RAPGEF1: variants seen among roughly 807,000 people sequenced by gnomAD.
The protein encoded by RAPGEF1 is Rap guanine nucleotide exchange factor 1.
A neutral mutation model predicts 143.3 loss-of-function variants in RAPGEF1; 33 were observed. The ratio of observed to expected loss-of-function variants is 0.23; its 90% confidence interval spans 0.17 to 0.31. The LOEUF (loss-of-function observed/expected upper bound fraction) is 0.31. Among genes scored for constraint, RAPGEF1 ranks in the 10% least tolerant of loss-of-function variants. The pLI is 1.00. For synonymous variants in RAPGEF1, 629 were observed against 676.5 expected (o/e 0.93, Z 1.09); for missense variants, 1,199 against 1,645.4 (o/e 0.73, Z 4.69).
intron 1 of RAPGEF1, among the ~76,000 whole-genome samples, chr9:131,669,788 G>T (rs902320865): frequency 1.3e-5 from 2 of 152,206 alleles, no homozygotes; most frequent in Non-Finnish European, 2.9e-5. Flanking sequence ...GGGAAAATCA[G>T]AAGTCCTCCT....
chr9:131,674,070 C>G (rs1831865588), intron 1 of RAPGEF1, among the ~76,000 whole-genome samples: 1 of 152,182 alleles, frequency 6.6e-6, no homozygotes, highest in Non-Finnish European at 1.5e-5. Context: ...TTGTTCGAAG[C>G]CACCTTTGAA....
intron 1 of RAPGEF1, among the ~76,000 whole-genome samples, chr9:131,710,904 A>T (rs1835458041): frequency 6.6e-6 from 1 of 152,168 alleles, no homozygotes; most frequent in South Asian, 2.1e-4. Context: ...TTGCCAGTTG[A>T]GCACAGCAGC....
chr9:131,700,462 A>G (rs529373331), intron 1 of RAPGEF1, among the ~76,000 whole-genome samples: 1 of 152,308 alleles, frequency 6.6e-6, no homozygotes, highest in Non-Finnish European at 1.5e-5. Flanking sequence ...ATACTTGTTC[A>G]TATGTAAACT....
intron 1 of RAPGEF1, among the ~76,000 whole-genome samples, chr9:131,663,363 A>G (rs1268200471): frequency 1.3e-5 from 2 of 152,194 alleles, no homozygotes; most frequent in Non-Finnish European, 2.9e-5. Context: ...TCCTGCATAA[A>G]TAACATAATA....
At chr9:131,653,954 AAATT>A (rs1444866085) in intron 1 of RAPGEF1, among the ~76,000 whole-genome samples, 2 of 152,278 alleles carry the variant, frequency 1.3e-5, no homozygotes, top group African/African-American at 2.4e-5. Context: ...CAATAAAAAT[AAATT>A]AAGTACGGAT....
rs182745151 is a variant in RAPGEF1, at chr9:131,601,041, A to G, written c.2501+1020T>C. Among the ~76,000 whole-genome samples the G allele has an allele frequency of 6.4e-3, 980 of 152,226 alleles. 9 individuals carry two copies. Among genetic ancestry groups the G allele is most frequent in the Non-Finnish European group, 9.5e-3 (645 of 68,002 alleles). On this transcript the variant is annotated intron_variant, in intron 15 of 26. Coordinates refer to ENST00000683357, the MANE Select transcript of RAPGEF1 (RefSeq NM_001377935.1). ...TAAAAACTTAGCCGGGCATGGTGGCACATGCCTGTAGTCCCAGCTACTTGG... is the reference window on the plus strand; with the variant it reads ...TAAAAACTTAGCCGGGCATGGTGGCGCATGCCTGTAGTCCCAGCTACTTGG...
chr9:131,579,730 C>CG, intron 26 of RAPGEF1, 83 bp from the exon 27 acceptor site: 3 of 1,446,336 alleles, frequency 2.1e-6, no homozygotes, highest in Non-Finnish European at 9.4e-7. Flanking sequence ...GAAGGTGCCG[C>CG]GGGGACCATC....
intron 1 of RAPGEF1, among the ~76,000 whole-genome samples, chr9:131,676,241 T>TG (rs1366106271): frequency 6.6e-6 from 1 of 152,118 alleles, no homozygotes; most frequent in African/African-American, 2.4e-5. Flanking sequence ...GGGCAGCCGC[T>TG]GGGGGTTCTT....
intron 9 of RAPGEF1, among the ~76,000 whole-genome samples, chr9:131,627,556 C>T (rs1431448029): frequency 1.3e-5 from 2 of 152,220 alleles, no homozygotes; most frequent in Non-Finnish European, 2.9e-5. Flanking sequence ...CCCTCCCCTT[C>T]AGCCTCTGTC....
rs1403671601 is a variant in RAPGEF1 at position 131,598,274 on chromosome 9, C to T, written c.2538G>A (p.Gln846=). Residue 846 remains glutamine (Q), a synonymous_variant, in exon 16 of 27, where the codon CAG becomes CAA. Transcript: ENST00000683357. The part of the protein sequence containing the change: ...PKSPDALESA[Q]SEEEVDELSL... ...ACAGCTCGTCCACTTCCTCCTCCGA[C>T]TGAGCCGACTCCAGAGCATCTGGTG... 1 of 1,614,046 alleles carries T rather than the reference C, an allele frequency of 6.2e-7. No individual in the cohort carries two copies. Among genetic ancestry groups the T allele is most frequent in the Non-Finnish European group, 8.5e-7 (1 of 1,179,904 alleles).
At chr9:131,733,040 A>G (rs763078435) in intron 1 of RAPGEF1, among the ~76,000 whole-genome samples, 1 of 152,148 alleles carries the variant, frequency 6.6e-6, no homozygotes, top group Non-Finnish European at 1.5e-5. Context: ...AAGAGCCCAG[A>G]GGAAGTTGAT....
At chr9:131,676,931 G>C (rs375258305) in intron 1 of RAPGEF1, among the ~76,000 whole-genome samples, 3 of 152,262 alleles carry the variant, frequency 2.0e-5, no homozygotes, top group East Asian at 3.9e-4. Context: ...AGACACTCTG[G>C]GGGTAGGCCC....
Position 131,584,745 on chromosome 9 carries a change from A to G in RAPGEF1, c.3234-149T>C. 1 of 690,864 alleles carries G rather than the reference A, an allele frequency of 1.4e-6. No homozygotes were observed. The highest frequency in any genetic ancestry group is 2.5e-6 in the Non-Finnish European group (1 of 398,886). 42.8% of individuals were successfully genotyped at this position (690,864 alleles called of 1,614,324 possible). ...TACCTGCAGCCTGCCCCAGGCATAG[A>G]TCTAGTTTCTGCTCTCCAGGAGCTC... On this transcript the variant is annotated intron_variant, in intron 22 of 26. Transcript: ENST00000683357. The surrounding 1 kb of genome is among the most constrained non-coding windows in gnomAD (Gnocchi z 6.8).
rs145341181 is a variant in RAPGEF1, at chr9:131,593,009, C to T, written c.2690-826G>A. 2.8e-3 allele frequency among the ~76,000 whole-genome samples: 431 copies of T among 152,344 alleles called. 6 individuals are homozygous for T. Among genetic ancestry groups the T allele is most frequent in the African/African-American group, 9.2e-3 (384 of 41,578 alleles). On this transcript the variant is annotated intron_variant, in intron 17 of 26. Transcript: ENST00000683357. ...TCACTCAGCTTGGCCTCCCAAAGTGCTGGGATTACAGGCGTGAGCCACCGT... is the reference window on the plus strand; with the variant it reads ...TCACTCAGCTTGGCCTCCCAAAGTGTTGGGATTACAGGCGTGAGCCACCGT...
intron 12 of RAPGEF1, among the ~76,000 whole-genome samples, chr9:131,616,622 A>G (rs1344745511): frequency 1.3e-5 from 2 of 152,190 alleles, no homozygotes; most frequent in African/African-American, 4.8e-5. Flanking sequence ...AGTGGAAATA[A>G]TCGTCCACTG....
At chr9:131,693,300 A>C (rs1233788959) in intron 1 of RAPGEF1, among the ~76,000 whole-genome samples, 1 of 152,170 alleles carries the variant, frequency 6.6e-6, no homozygotes, top group Non-Finnish European at 1.5e-5. Flanking sequence ...AAAAGGGAGA[A>C]ATTGTTAAAT....
chr9:131,626,450 C>G, intron 9 of RAPGEF1, 28 bp from the exon 10 acceptor site: 3 of 1,532,806 alleles, frequency 2.0e-6, no homozygotes, highest in African/African-American at 2.8e-5. Flanking sequence ...GAAAAAGAGA[C>G]CCGTTAGCCA....
At chr9:131,649,508 G>A (rs1490829174) in intron 3 of RAPGEF1, among the ~76,000 whole-genome samples, 1 of 152,070 alleles carries the variant, frequency 6.6e-6, no homozygotes. Flanking sequence ...CCACCTTTTT[G>A]CTGTGCGACT....
At chr9:131,602,570 C>T (rs1956443569) in intron 14 of RAPGEF1, among the ~76,000 whole-genome samples, 1 of 152,318 alleles carries the variant, frequency 6.6e-6, no homozygotes, top group Admixed American at 6.5e-5. Flanking sequence ...GGACCCTGCT[C>T]AAGACCACAC....
Sources: allele counts gnomAD v4.1 joint callset (sites outside exome capture counted in the v4.1 genomes callset), GRCh38; gene constraint gnomAD v4.1.1; non-coding constraint Gnocchi (gnomAD v3.1); transcripts MANE v1.5; gene names NCBI Gene and HGNC (gene_info 2026-07-23, HGNC 2026-07-21).